Variants in GSE1 observed in about 807,000 individuals in gnomAD.
GSE1 encodes the protein genetic suppressor element 1.
Under a neutral mutation model 112.6 loss-of-function variants are expected in GSE1, and 32 were observed. The ratio of observed to expected loss-of-function variants is 0.28; its 90% CI spans 0.21 to 0.38. The LOEUF is 0.38. GSE1 is among the 10% of genes least tolerant of loss of function. The pLI is 1.00. For missense variants in GSE1, 2,348 were observed against 1,699.2 expected, an observed-to-expected ratio of 1.38 and a Z score of -6.71; for synonymous variants, 1,115 against 735.6, an observed-to-expected ratio of 1.52 and a Z score of -8.35.
At chr16:85,515,216 C>A (rs894653457) in intron 2 of GSE1, among the ~76,000 whole-genome samples, 3 of 152,182 alleles carry the variant, frequency 2.0e-5, no homozygotes, top group Admixed American at 2.0e-4. Flanking sequence ...CAGTTTCCAT[C>A]TGCGGGCACC....
chr16:85,626,338 C>T (rs897867610), intron 1 of GSE1, among the ~76,000 whole-genome samples: 14 of 152,228 alleles, frequency 9.2e-5, no homozygotes, highest in African/African-American at 3.4e-4. Context: ...TCACGTGGTG[C>T]CCGTGCAGCC....
chr16:85,317,647 A>G (rs563307884), intron 1 of GSE1, among the ~76,000 whole-genome samples: 6 of 151,968 alleles, frequency 3.9e-5, no homozygotes, highest in Non-Finnish European at 8.8e-5. Context: ...GTGGGCATCC[A>G]TGCGCCCTGC....
At chr16:85,345,949 G>A (rs1028126702) in intron 1 of GSE1, among the ~76,000 whole-genome samples, 2 of 151,994 alleles carry the variant, frequency 1.3e-5, no homozygotes, top group African/African-American at 4.8e-5. Flanking sequence ...ATAGATGGTG[G>A]ACACATGGAC....
intron 1 of GSE1, among the ~76,000 whole-genome samples, chr16:85,329,829 G>T (rs1454455367): frequency 1.3e-5 from 2 of 150,946 alleles, no homozygotes; most frequent in African/African-American, 4.9e-5. Flanking sequence ...GGCTGGGGAC[G>T]GGAGGGGAGG....
rs552554324 is a variant in GSE1, at chr16:85,441,320, A to C, written c.2464+83677A>C. 3.9e-5 allele frequency among the ~76,000 whole-genome samples: 6 copies of C among 152,098 alleles called. No homozygotes were observed. The South Asian group carries it at 1.3e-3, about 32-fold the overall frequency. On this transcript the variant is annotated intron_variant, in intron 2 of 2. Coordinates refer to the GSE1 transcript ENST00000637419. ...CATTTGTCCGCTGGGGGGCACAGTC[A>C]CCTCCTAGTTGAGAATCACGGGGTT...
chr16:85,648,541 C>T lies in GSE1; in HGVS notation c.227-11C>T, dbSNP rs1183186747. ...CGGCTCCCACTCAGGCCACCGTCTT[C>T]TCCTCCACAGGGTCCTCACTGAGCA... On this transcript the variant is annotated splice_polypyrimidine_tract_variant and intron_variant, in intron 2 of 15. Transcript: ENST00000253458. The T allele has an allele frequency of 4.7e-6, 7 of 1,477,038 alleles. No homozygotes were observed. In the African/African-American group the frequency reaches 5.7e-5, roughly 12 times the overall value. 91.5% of individuals were successfully genotyped at this position (1,477,038 alleles called of 1,614,324 possible).
rs140680914 is a variant in GSE1, at chr16:85,654,839, C to T, written c.645C>T (p.Thr215=). Residue 215 remains threonine, a synonymous_variant, in exon 5 of 16, where the codon ACC becomes ACT. Transcript: ENST00000253458. ...ACGTGGTGCCCCCCAGTACCGTGAC[C>T]GAGGACTACCTGAGAAGCTTCCGGC... The part of the protein sequence containing the change: ...VHHVVPPSTV[T]EDYLRSFRPY... 1.4e-5 allele frequency: 22 copies of T among 1,611,936 alleles called. No homozygotes were observed. Among genetic ancestry groups the T allele is most frequent in the African/African-American group, 4.0e-5 (3 of 74,838 alleles).
chr16:85,655,953 TC>T, intron 6 of GSE1, 36 bp downstream of exon 6: 1 of 1,527,344 alleles, frequency 6.5e-7, no homozygotes, highest in Non-Finnish European at 8.9e-7. Context: ...CCCTCTGCCC[TC>T]CCTGTCCCTT....
At chr16:85,263,625 T>G (rs1597226356) in intron 1 of GSE1, among the ~76,000 whole-genome samples, 1 of 149,884 alleles carries the variant, frequency 6.7e-6, no homozygotes, top group Non-Finnish European at 1.5e-5. Flanking sequence ...CAGGCTGGAG[T>G]GCAATGGAGT....
intron 2 of GSE1, among the ~76,000 whole-genome samples, chr16:85,464,117 C>A (rs116870238): frequency 6.6e-6 from 1 of 152,158 alleles, no homozygotes; most frequent in Non-Finnish European, 1.5e-5. Context: ...CTGGCTGCCT[C>A]GCCTGCCCGC....
chr16:85,203,553 G>T (rs564091188), intron 1 of GSE1, among the ~76,000 whole-genome samples: 1 of 152,310 alleles, frequency 6.6e-6, no homozygotes, highest in Non-Finnish European at 1.5e-5. Flanking sequence ...TGCAGGACAC[G>T]GAAGGGGAGG....
intron 1 of GSE1, among the ~76,000 whole-genome samples, chr16:85,196,811 C>T: frequency 6.6e-6 from 1 of 151,946 alleles, no homozygotes; most frequent in East Asian, 1.9e-4. Flanking sequence ...AATTTTCATT[C>T]CCTCATTCAG....
chr16:85,337,292 T>C (rs1434747447), intron 1 of GSE1, among the ~76,000 whole-genome samples: 3 of 151,082 alleles, frequency 2.0e-5, no homozygotes, highest in Admixed American at 6.6e-5. Context: ...AGGACTTTTT[T>C]TTTTCTTTTC....
chr16:85,510,801 C>A (rs1317461458), intron 2 of GSE1, among the ~76,000 whole-genome samples: 1 of 84,058 alleles, frequency 1.2e-5, no homozygotes, highest in African/African-American at 5.1e-5. Flanking sequence ...CCTACTCCTG[C>A]CTCACAGGCC....
chr16:85,348,088 C>A (rs1158517902), intron 1 of GSE1, among the ~76,000 whole-genome samples: 1 of 151,978 alleles, frequency 6.6e-6, no homozygotes, highest in Non-Finnish European at 1.5e-5. Context: ...GTCCAGGGCT[C>A]GAAAAAATAA....
At chr16:85,653,686 C>A (rs1022206226) in intron 3 of GSE1, among the ~76,000 whole-genome samples, 1 of 152,226 alleles carries the variant, frequency 6.6e-6, no homozygotes, top group Admixed American at 6.5e-5. Context: ...CTGGTGGGCT[C>A]CAGGGCCAGG....
intron 2 of GSE1, among the ~76,000 whole-genome samples, chr16:85,511,384 C>T (rs929731886): frequency 3.9e-5 from 6 of 152,198 alleles, no homozygotes; most frequent in African/African-American, 1.2e-4. Flanking sequence ...AAAAATCAGC[C>T]GGGCATGGTA....
At chr16:85,633,228 G>C (rs564101081) in intron 1 of GSE1, among the ~76,000 whole-genome samples, 1 of 152,184 alleles carries the variant, frequency 6.6e-6, no homozygotes, top group Non-Finnish European at 1.5e-5. Context: ...CTTCCCCACC[G>C]CTCCCTGTCA....
At chr16:85,205,799 A>T (rs574643466) in intron 1 of GSE1, among the ~76,000 whole-genome samples, 1 of 152,292 alleles carries the variant, frequency 6.6e-6, no homozygotes, top group Admixed American at 6.5e-5. Flanking sequence ...CTGGGAGGAC[A>T]TTTGAACTGA....
Sources: allele counts gnomAD v4.1 joint callset (sites outside exome capture counted in the v4.1 genomes callset), GRCh38; gene constraint gnomAD v4.1.1; transcripts MANE v1.5; gene names NCBI Gene and HGNC (gene_info 2026-07-23, HGNC 2026-07-21).